ARPP21: variants seen among roughly 807,000 people sequenced by gnomAD.
The protein encoded by ARPP21 is cAMP regulated phosphoprotein 21.
Under a neutral mutation model 113.2 loss-of-function variants are expected in ARPP21, and 69 were observed. The observed-to-expected ratio is 0.61, with a 90% confidence interval of 0.50 to 0.74. The LOEUF (loss-of-function observed/expected upper bound fraction) is 0.74. ARPP21 is among the 30% of genes least tolerant of loss of function. ARPP21 has a pLI of 0.00. For missense variants in ARPP21, 1,070 were observed against 1,037.4 expected (o/e 1.03, Z -0.43); for synonymous variants, 368 against 375.5 (o/e 0.98, Z 0.23).
In ARPP21 at chr3:35,721,786, G is replaced by C; in HGVS notation, c.1177G>C (p.Gly393Arg). 1 of 1,613,128 alleles carries C rather than the reference G, an allele frequency of 6.2e-7. No individual in the cohort carries two copies. ...SFGGITVLTR[G>R]DSTSSTRSTG... Reference sequence around the variant, plus strand: ...TGGGGGCATCACGGTGCTGACCAGGGGTGACAGCACTTCCAGTACTAGGAG... The same window carrying C: ...TGGGGGCATCACGGTGCTGACCAGGCGTGACAGCACTTCCAGTACTAGGAG... The change falls in exon 14 of 21, where the codon GGT becomes CGT. Residue 393 changes from glycine (G) to arginine (R), a missense_variant. Coordinates refer to ENST00000684406, the MANE Select transcript of ARPP21 (RefSeq NM_001385562.1).
rs1235565396 is a variant in ARPP21 at position 35,729,500 on chromosome 3, A to G, written c.1423A>G (p.Ile475Val). Residue 475 changes from isoleucine (I) to valine (V), a missense_variant, in exon 15 of 21, where the codon ATC (isoleucine) becomes GTC (valine). Coordinates refer to ENST00000684406, the MANE Select transcript of ARPP21 (RefSeq NM_001385562.1). The part of the protein sequence containing the change: ...ILLPLEAATG[I>V]PPGSILLNPH... The stretch of plus-strand genomic sequence containing the variant: ...CCTTCCACTTGAAGCTGCAACAGGC[A>G]TCCCGCCTGGAAGCATCCTTCTTAA... The G allele has an allele frequency of 6.2e-7, 1 of 1,614,222 alleles. No individual in the cohort carries two copies. Among genetic ancestry groups the G allele is most frequent in the Non-Finnish European group, 8.5e-7 (1 of 1,180,046 alleles).
chr3:35,667,975 GAA>G (rs2075148023), intron 1 of ARPP21, among the ~76,000 whole-genome samples: 1 of 135,938 alleles, frequency 7.4e-6, no homozygotes, highest in Non-Finnish European at 1.6e-5. Context: ...AGAAGAAGAA[GAA>G]GAAGAAGAAG....
chr3:35,645,633 T>C (rs571989448), intron 1 of ARPP21, among the ~76,000 whole-genome samples: 1 of 152,110 alleles, frequency 6.6e-6, no homozygotes, highest in Admixed American at 6.6e-5. Flanking sequence ...TTAAAAGAAC[T>C]AACTAGTTCC....
At chr3:35,669,122 CTTCCTTCT>C (rs1471562521) in intron 1 of ARPP21, among the ~76,000 whole-genome samples, 3 of 151,840 alleles carry the variant, frequency 2.0e-5, no homozygotes, top group African/African-American at 7.3e-5. Context: ...ACAGTTGGGT[CTTCCTTCT>C]TTCCTTCTTT....
At chr3:35,656,460 G>A (rs1205935716) in intron 1 of ARPP21, among the ~76,000 whole-genome samples, 1 of 152,060 alleles carries the variant, frequency 6.6e-6, no homozygotes, top group Admixed American at 6.6e-5. Context: ...TACATCCATA[G>A]AGTGGAATAT....
At chr3:35,694,422 A>C (rs1006335420) in intron 9 of ARPP21, among the ~76,000 whole-genome samples, 3 of 151,490 alleles carry the variant, frequency 2.0e-5, no homozygotes, top group Non-Finnish European at 4.4e-5. Context: ...AGCACTTTAC[A>C]TCTTGTAATA....
intron 1 of ARPP21, among the ~76,000 whole-genome samples, chr3:35,660,128 C>T (rs1391413721): frequency 3.3e-5 from 5 of 152,114 alleles, no homozygotes; most frequent in Admixed American, 2.0e-4. Flanking sequence ...CCCTTTTTGA[C>T]ATAGAGCAAA....
chr3:35,678,289 G>C (rs2078023208), intron 1 of ARPP21, among the ~76,000 whole-genome samples: 1 of 151,882 alleles, frequency 6.6e-6, no homozygotes, highest in Non-Finnish European at 1.5e-5. Context: ...TGTGATCCTT[G>C]AGAACTTCAT....
intron 1 of ARPP21, among the ~76,000 whole-genome samples, chr3:35,674,107 T>C (rs2149359252): frequency 6.6e-6 from 1 of 152,080 alleles, no homozygotes; most frequent in East Asian, 1.9e-4. Context: ...TTGAATTGAA[T>C]TGAACTGGAT....
intron 1 of ARPP21, among the ~76,000 whole-genome samples, chr3:35,653,496 A>C (rs967825739): frequency 6.6e-6 from 1 of 152,018 alleles, no homozygotes; most frequent in African/African-American, 2.4e-5. Flanking sequence ...TGCATGCTTC[A>C]CAGATCTATA....
chr3:35,706,935 GA>G (rs745679962), intron 9 of ARPP21, 38 bp from the exon 10 acceptor site: 78 of 1,519,566 alleles, frequency 5.1e-5, no homozygotes, highest in African/African-American at 2.8e-5. Flanking sequence ...AAACAAGGGG[GA>G]AAAACTTTTT....
chr3:35,754,082 C>T (rs1386165298), intron 19 of ARPP21, among the ~76,000 whole-genome samples: 2 of 150,490 alleles, frequency 1.3e-5, no homozygotes, highest in Admixed American at 1.3e-4. Flanking sequence ...AGCATCAGAG[C>T]TGAAGAAAGA....
intron 9 of ARPP21, among the ~76,000 whole-genome samples, chr3:35,700,094 G>T (rs1190596879): frequency 6.6e-6 from 1 of 151,720 alleles, no homozygotes; most frequent in African/African-American, 2.4e-5. Context: ...CTTTACTAGT[G>T]CCCAGCACTG....
rs572924354 is a variant in ARPP21 at position 35,678,566 on chromosome 3, G to T, written c.-212-1221G>T. Among the ~76,000 whole-genome samples the T allele has an allele frequency of 3.3e-5, 5 of 151,998 alleles. No individual in the cohort carries two copies. In the East Asian group the frequency reaches 7.8e-4, roughly 24 times the overall value. On this transcript the variant is annotated intron_variant, in intron 1 of 20. Coordinates refer to ENST00000684406, the MANE Select transcript of ARPP21 (RefSeq NM_001385562.1). ...AGCCATATAATTTCCAAAAATGGAA[G>T]AAACATAGTTTAAAGTCTAATCATC...
intron 19 of ARPP21, chr3:35,744,493 G>A: frequency 1.9e-6 from 1 of 530,586 alleles, no homozygotes; most frequent in Non-Finnish European, 3.9e-6. Context: ...TGGGAAGGGG[G>A]GCCGATACAC....
chr3:35,667,372 A>G (rs776436991), intron 1 of ARPP21, among the ~76,000 whole-genome samples: 13 of 152,172 alleles, frequency 8.5e-5, no homozygotes, highest in African/African-American at 2.2e-4. Context: ...GTCATTTTGC[A>G]TTGTGATTAC....
chr3:35,791,416 C>T (rs2096744976), intron 19 of ARPP21, among the ~76,000 whole-genome samples: 1 of 152,096 alleles, frequency 6.6e-6, no homozygotes, highest in African/African-American at 2.4e-5. Context: ...AATATGAGCT[C>T]TGGAAGGAGC....
chr3:35,669,205 C>T (rs2075715188), intron 1 of ARPP21, among the ~76,000 whole-genome samples: 1 of 151,938 alleles, frequency 6.6e-6, no homozygotes, highest in African/African-American at 2.4e-5. Context: ...ATAATTTCTC[C>T]CACTACATAA....
chr3:35,682,978 A>G (rs897288878), intron 4 of ARPP21, 89 bp downstream of exon 4: 77 of 1,283,270 alleles, frequency 6.0e-5, no homozygotes, highest in Non-Finnish European at 7.9e-5. Context: ...CCAGCATTTC[A>G]GATGATTGTG....
Sources: gnomAD v4.1 joint callset for allele counts (sites outside exome capture counted in the v4.1 genomes callset) on GRCh38, gnomAD v4.1.1 for gene constraint, MANE v1.5 for transcripts, NCBI Gene and HGNC (gene_info 2026-07-23, HGNC 2026-07-21) for gene names.